Variants in AOPEP observed in about 807,000 individuals in gnomAD.
AOPEP encodes the protein aminopeptidase O.
A neutral mutation model predicts 98.1 loss-of-function variants in AOPEP; 77 were observed. The observed-to-expected ratio is 0.78, with a 90% CI of 0.65 to 0.95. The LOEUF (loss-of-function observed/expected upper bound fraction) is 0.95. Ranked by LOEUF, AOPEP falls within the 40% of genes least tolerant of loss-of-function variation. AOPEP has a pLI of 0.00. For missense variants in AOPEP, 1,024 were observed against 1,024.7 expected, an observed-to-expected ratio of 1.00 and a Z score of 0.01; for synonymous variants, 346 against 365.3, an observed-to-expected ratio of 0.95 and a Z score of 0.60.
chr9:95,014,951 A>G (rs1390221763), intron 13 of AOPEP, among the ~76,000 whole-genome samples: 3 of 152,248 alleles, frequency 2.0e-5, no homozygotes, highest in Middle Eastern at 3.2e-3. Flanking sequence ...CCAAAGAGAC[A>G]TGAGAAATGT....
At chr9:94,783,959 A>G (rs1048636500) in intron 3 of AOPEP, among the ~76,000 whole-genome samples, 3 of 152,210 alleles carry the variant, frequency 2.0e-5, no homozygotes, top group African/African-American at 2.4e-5. Flanking sequence ...GAAAGATTAT[A>G]TGTTAAATAA....
At chr9:94,800,698 C>T in intron 4 of AOPEP, 59 bp from the exon 5 acceptor site, 2 of 1,592,050 alleles carry the variant, frequency 1.3e-6, no homozygotes, top group South Asian at 2.2e-5. Flanking sequence ...GCAAGATTGC[C>T]TCACCTCCAC....
At chr9:94,780,747 G>T (rs894433803) in intron 3 of AOPEP, among the ~76,000 whole-genome samples, 4 of 152,220 alleles carry the variant, frequency 2.6e-5, no homozygotes, top group Admixed American at 6.5e-5. Flanking sequence ...CCTCTACTCT[G>T]TTGTGCAGAA....
intron 3 of AOPEP, among the ~76,000 whole-genome samples, chr9:94,792,132 A>C (rs1438501773): frequency 6.6e-6 from 1 of 152,148 alleles, no homozygotes; most frequent in African/African-American, 2.4e-5. Context: ...GCTCCGTTAA[A>C]CCTCTACACG....
intron 16 of AOPEP, among the ~76,000 whole-genome samples, chr9:95,084,454 G>A (rs2070337694): frequency 6.6e-6 from 1 of 152,212 alleles, no homozygotes; most frequent in African/African-American, 2.4e-5. Flanking sequence ...CTCCAGGACG[G>A]GCTGGCGGCA....
At chr9:94,781,974 G>A (rs886081775) in intron 3 of AOPEP, among the ~76,000 whole-genome samples, 2 of 150,952 alleles carry the variant, frequency 1.3e-5, no homozygotes, top group Non-Finnish European at 3.0e-5. Context: ...GGCGGATCAC[G>A]AGGTCAGGAG....
intron 13 of AOPEP, among the ~76,000 whole-genome samples, chr9:95,018,710 G>C (rs3802455): frequency 0.18 from 26,953 of 152,208 alleles, 2,939 homozygotes; most frequent in East Asian, 0.35. Context: ...TTGTGGAGAG[G>C]TTCTCTCTGC....
chr9:94,937,357 C>A (rs1369590206), intron 7 of AOPEP, among the ~76,000 whole-genome samples: 2 of 152,240 alleles, frequency 1.3e-5, no homozygotes, highest in Non-Finnish European at 2.9e-5. Context: ...CTTTTCTCTG[C>A]GTGTGCATGT....
intron 4 of AOPEP, among the ~76,000 whole-genome samples, chr9:94,799,721 G>T (rs543748524): frequency 1.6e-3 from 249 of 152,074 alleles, no homozygotes; most frequent in African/African-American, 5.7e-3. Context: ...AATTAGCCAG[G>T]CGTGGTGGCA....
intron 5 of AOPEP, among the ~76,000 whole-genome samples, chr9:94,830,699 A>T (rs1400163525): frequency 2.0e-5 from 3 of 152,136 alleles, no homozygotes; most frequent in African/African-American, 7.2e-5. Context: ...TTTCTTTGCA[A>T]CCTTGCCAGC....
chr9:94,992,231 C>T (rs193252130), intron 11 of AOPEP, among the ~76,000 whole-genome samples: 2 of 152,308 alleles, frequency 1.3e-5, no homozygotes, highest in African/African-American at 4.8e-5. Context: ...TTTAAAAAGG[C>T]CAGCGTTCTT....
intron 9 of AOPEP, among the ~76,000 whole-genome samples, chr9:94,961,496 A>G (rs78953351): frequency 0.015 from 2,223 of 152,058 alleles, 66 homozygotes; most frequent in African/African-American, 0.05. Flanking sequence ...TTTCTTCTTC[A>G]TGACCTGTAT....
rs115444170 is a variant in AOPEP at position 94,955,233 on chromosome 9, A to G, written c.1718A>G (p.His573Arg). 1.4e-3 allele frequency: 2,211 copies of G among 1,613,826 alleles called. 41 individuals carry two copies. In the African/African-American group the frequency reaches 0.026, roughly 19 times the overall value. Residue 573 changes from histidine (H) to arginine (R), a missense_variant, in exon 8 of 17, where the codon CAT (histidine) becomes CGT (arginine). His to Arg is a conservative substitution (Grantham distance 29). Coordinates refer to ENST00000375315, the MANE Select transcript of AOPEP (RefSeq NM_001193329.3). ...GACTCGGGAGCATCTGTTATCAAGC[A>G]TGGACTTAATCCGGAGAAGATCTTC... ...TSDSGASVIK[H>R]GLNPEKIFMQ...
chr9:94,979,417 G>C lies in AOPEP; in HGVS notation c.1967G>C (p.Gly656Ala), dbSNP rs1293378787. 6.3e-7 allele frequency: 1 copy of C among 1,597,536 alleles called. No individual in the cohort carries two copies. The highest frequency in any genetic ancestry group is 8.6e-7 in the Non-Finnish European group (1 of 1,169,106). The change falls in exon 11 of 17, where the codon GGA becomes GCA. Residue 656 changes from glycine (G) to alanine (A), a missense_variant. Gly to Ala is a moderately conservative substitution (Grantham distance 60). Transcript: ENST00000375315. ...TACCAAGACTGGCTTGAGAGTTCCG[G>C]AATACCAAAGGTAACTCAAGATAAC... The part of the protein sequence containing the change: ...NIYQDWLESS[G>A]IPKPLQRERR...
chr9:94,925,791 C>T (rs997341000), intron 6 of AOPEP, among the ~76,000 whole-genome samples: 2 of 152,182 alleles, frequency 1.3e-5, no homozygotes, highest in African/African-American at 4.8e-5. Context: ...CTGGCTCTGC[C>T]ATTCGTTGGC....
rs367974171 is a variant in AOPEP, at chr9:95,044,499, G to T, written c.2116-16195G>T. Among the ~76,000 whole-genome samples the T allele has an allele frequency of 2.0e-5, 3 of 152,188 alleles. No homozygotes were observed. The South Asian group carries it at 6.2e-4, about 32-fold the overall frequency. On this transcript the variant is annotated intron_variant, in intron 13 of 16. Transcript: ENST00000375315. Reference sequence around the variant, plus strand: ...TAATTCTGTTGTATGGCAGAATAGCGTAACAGCCCACGTGAAAATGAATGA... The same window carrying T: ...TAATTCTGTTGTATGGCAGAATAGCTTAACAGCCCACGTGAAAATGAATGA...
At chr9:94,762,002 G>A (rs183407252) in intron 2 of AOPEP, among the ~76,000 whole-genome samples, 1 of 152,298 alleles carries the variant, frequency 6.6e-6, no homozygotes, top group African/African-American at 2.4e-5. Flanking sequence ...TAATGAGGAA[G>A]AAGGAACTAT....
chr9:94,932,928 C>T, intron 7 of AOPEP: 3 of 985,314 alleles, frequency 3.0e-6, no homozygotes, highest in Non-Finnish European at 3.6e-6. Flanking sequence ...TGTAATGTGG[C>T]TACAGGCTTC....
intron 14 of AOPEP, among the ~76,000 whole-genome samples, chr9:95,068,774 T>C (rs1235539034): frequency 6.6e-6 from 1 of 152,188 alleles, no homozygotes; most frequent in Non-Finnish European, 1.5e-5. Context: ...AAAGCCTGTT[T>C]CTCTAGCTCT....
Sources: allele counts gnomAD v4.1 joint callset (sites outside exome capture counted in the v4.1 genomes callset), GRCh38; gene constraint gnomAD v4.1.1; transcripts MANE v1.5; gene names NCBI Gene and HGNC (gene_info 2026-07-23, HGNC 2026-07-21).